Variants in RELN observed in about 807,000 individuals in gnomAD.
RELN encodes reelin.
In RELN, 108 loss-of-function variants were observed where a neutral mutation model predicts 427.6. The ratio of observed to expected loss-of-function variants is 0.25; its 90% CI spans 0.22 to 0.30. RELN has a LOEUF of 0.30. RELN is among the 10% of genes least tolerant of loss of function. The probability of loss-of-function intolerance (pLI) is 1.00; values close to 1 mark genes in which losing one functional copy is unlikely to be tolerated. For synonymous variants in RELN, 1,524 were observed against 1,513.4 expected, an observed-to-expected ratio of 1.01 and a Z score of -0.16; for missense variants, 3,715 against 4,302.8, an observed-to-expected ratio of 0.86 and a Z score of 3.82.
At chr7:103,599,881 A>G (rs1456261331) in intron 24 of RELN, among the ~76,000 whole-genome samples, 1 of 152,186 alleles carries the variant, frequency 6.6e-6, no homozygotes, top group Admixed American at 6.5e-5. Flanking sequence ...GAAAGAATGA[A>G]TTATGTATGT....
rs779501177 is a variant in RELN at position 103,773,126 on chromosome 7, TTCTTTCTTTCTTTC to T, written c.544+3417_544+3430del. On this transcript the variant is annotated intron_variant, in intron 4 of 64. Transcript: ENST00000428762. ...TTTCTTTCTTTCTTTCTTTCTTTCT[TTCTTTCTTTCTTTC>T]TTTCTTTCTTTCTTTCTTTCTTTCT... 1.5e-4 allele frequency among the ~76,000 whole-genome samples: 14 copies of T among 94,112 alleles called. No individual in the cohort carries two copies. In the Admixed American group the frequency reaches 1.6e-3, roughly 11 times the overall value. The allele number at this position is 94,112 out of a possible 152,430, so 61.7% of individuals were successfully genotyped here. A position where few individuals can be genotyped will look rare whatever the true frequency, so the allele number is the denominator to read the frequency against.
chr7:103,492,018 C>T lies in RELN; in HGVS notation c.9378G>A (p.Val3126=). ...PGYMMQFKIV[V]GCEATSCGDL... Reference sequence around the variant, plus strand: ...CACCACAAGAAGTGGCTTCACAACCCACCACAATCTAAAACAAACATAAAC... The same window carrying T: ...CACCACAAGAAGTGGCTTCACAACCTACCACAATCTAAAACAAACATAAAC... Residue 3126 remains valine, a synonymous_variant, in exon 58 of 65, where the codon GTG becomes GTA. Coordinates refer to ENST00000428762, the MANE Select transcript of RELN (RefSeq NM_005045.4). 1 of 1,612,316 alleles carries T rather than the reference C, an allele frequency of 6.2e-7. No individual in the cohort carries two copies. The highest frequency in any genetic ancestry group is 8.5e-7 in the Non-Finnish European group (1 of 1,178,976).
chr7:103,540,444 A>G lies in RELN; in HGVS notation c.6683T>C (p.Phe2228Ser). ...TTTACCACATCCCAGTCTCATGAAG[A>G]ACTGCACAAATCTGACATTTGTAAA... The part of the protein sequence containing the change: ...LDLSHARFVQ[F>S]FMRLGCGKGV... The change falls in exon 44 of 65, where the codon TTC (phenylalanine) becomes TCC (serine). Residue 2228 changes from phenylalanine (F) to serine (S), a missense_variant. Physicochemically the swap from Phe to Ser is radical, Grantham distance 155 (BLOSUM62 -2). Coordinates refer to ENST00000428762, the MANE Select transcript of RELN (RefSeq NM_005045.4). The G allele has an allele frequency of 1.9e-6, 3 of 1,613,936 alleles. No individual in the cohort carries two copies. The highest frequency in any genetic ancestry group is 2.5e-6 in the Non-Finnish European group (3 of 1,180,020).
intron 8 of RELN, among the ~76,000 whole-genome samples, chr7:103,718,350 AT>A (rs1562969986): frequency 6.8e-6 from 1 of 146,914 alleles, no homozygotes. Context: ...AAAAAAAAAA[AT>A]TAAACACACG....
At chr7:103,734,342 AAAGT>A (rs71725905) in intron 6 of RELN, among the ~76,000 whole-genome samples, 7,604 of 152,234 alleles carry the variant, frequency 0.05, 253 homozygotes, top group Non-Finnish European at 0.074. Context: ...CCTAATAGTA[AAAGT>A]AATACTAAAT....
chr7:103,559,091 C>T (rs1276943982), intron 36 of RELN, among the ~76,000 whole-genome samples: 1 of 152,128 alleles, frequency 6.6e-6, no homozygotes, highest in Non-Finnish European at 1.5e-5. Context: ...AAGCACCTAG[C>T]ACTACTGACA....
intron 2 of RELN, among the ~76,000 whole-genome samples, chr7:103,893,320 C>T (rs1253859358): frequency 1.3e-5 from 2 of 152,082 alleles, no homozygotes. Context: ...TGTCTGTCTC[C>T]AGCTCTTGAT....
intron 11 of RELN, among the ~76,000 whole-genome samples, chr7:103,680,780 A>G (rs1008688317): frequency 6.6e-6 from 1 of 152,032 alleles, no homozygotes; most frequent in Non-Finnish European, 1.5e-5. Context: ...TCAAGGAGAC[A>G]TTGGAGCTGT....
chr7:103,705,779 G>T (rs7799028), intron 8 of RELN, among the ~76,000 whole-genome samples: 58,157 of 151,952 alleles, frequency 0.38, 13,572 homozygotes, highest in African/African-American at 0.66. Context: ...AGTCACTTAC[G>T]CTTTCTGTGT....
intron 3 of RELN, among the ~76,000 whole-genome samples, chr7:103,826,338 GTGTGTGTGTGTGTGTGTGTGTA>G (rs1793139995): frequency 8.6e-6 from 1 of 116,324 alleles, no homozygotes; most frequent in East Asian, 2.7e-4. Context: ...GTGTGTGTGT[GTGTGTGTGTGTGTGTGTGTGTA>G]TACACATACA....
chr7:103,741,464 A>T (rs916636915), intron 6 of RELN, among the ~76,000 whole-genome samples: 1 of 152,052 alleles, frequency 6.6e-6, no homozygotes, highest in Non-Finnish European at 1.5e-5. Context: ...AAATTAGCTT[A>T]AGATTATTTT....
intron 63 of RELN, among the ~76,000 whole-genome samples, chr7:103,481,634 C>T: frequency 6.6e-6 from 1 of 152,146 alleles, no homozygotes; most frequent in Middle Eastern, 3.2e-3. Context: ...TTTTGACGTT[C>T]AAACAGATTG....
chr7:103,968,795 T>A lies in RELN; in HGVS notation c.226+20336A>T, dbSNP rs1435565541. Among the ~76,000 whole-genome samples the A allele has an allele frequency of 1.3e-5, 2 of 152,208 alleles. No homozygotes were observed. Among genetic ancestry groups the A allele is most frequent in the African/African-American group, 4.8e-5 (2 of 41,468 alleles). On this transcript the variant is annotated intron_variant, in intron 1 of 64. Transcript: ENST00000428762. The surrounding 1 kb of genome is among the most constrained non-coding windows in gnomAD (Gnocchi z 4.3). Reference sequence around the variant, plus strand: ...GATGTCAAATTTACCATTGACATTCTGCCTAACAACAACAAAAACAATTAC... The same window carrying A: ...GATGTCAAATTTACCATTGACATTCAGCCTAACAACAACAAAAACAATTAC...
chr7:103,971,902 C>T lies in RELN; in HGVS notation c.226+17229G>A, dbSNP rs141102715. On this transcript the variant is annotated intron_variant, in intron 1 of 64. Coordinates refer to ENST00000428762, the MANE Select transcript of RELN (RefSeq NM_005045.4). ...AGCCTGACAAACATGGTGAAACCCC[C>T]GTCTCTAGTAAAATACAAAAATTAG... Among the ~76,000 whole-genome samples the T allele has an allele frequency of 7.6e-3, 1,141 of 149,176 alleles. 14 individuals are homozygous for T. The highest frequency in any genetic ancestry group is 0.027 in the African/African-American group (1,089 of 41,060).
At chr7:103,859,912 T>C (rs1234692138) in intron 2 of RELN, among the ~76,000 whole-genome samples, 1 of 152,170 alleles carries the variant, frequency 6.6e-6, no homozygotes, top group Non-Finnish European at 1.5e-5. Context: ...GACACCAAGA[T>C]GACTTCATTA....
At chr7:103,854,567 A>G (rs1310459036) in intron 2 of RELN, among the ~76,000 whole-genome samples, 3 of 152,196 alleles carry the variant, frequency 2.0e-5, no homozygotes, top group Non-Finnish European at 4.4e-5. Flanking sequence ...AGGGATTAAG[A>G]GACTTAGTAT....
chr7:103,855,720 G>C (rs1279996522), intron 2 of RELN, among the ~76,000 whole-genome samples: 1 of 152,110 alleles, frequency 6.6e-6, no homozygotes, highest in Non-Finnish European at 1.5e-5. Flanking sequence ...AAGGTCCTGA[G>C]AGAGGATCTG....
chr7:103,845,477 G>A (rs1055648953), intron 2 of RELN, among the ~76,000 whole-genome samples: 5 of 152,140 alleles, frequency 3.3e-5, no homozygotes, highest in Non-Finnish European at 4.4e-5. Flanking sequence ...CAAGGCACCC[G>A]ACCCACTCTC....
At chr7:103,515,539 A>C (rs1269482878) in intron 49 of RELN, 98 bp from the exon 50 acceptor site, 51 of 1,469,240 alleles carry the variant, frequency 3.5e-5, no homozygotes, top group Non-Finnish European at 4.6e-5. Flanking sequence ...AATGTATGTC[A>C]CATGGTGGGT....
Sources: gnomAD v4.1 joint callset for allele counts (sites outside exome capture counted in the v4.1 genomes callset) on GRCh38, gnomAD v4.1.1 for gene constraint, Gnocchi (gnomAD v3.1) non-coding constraint, MANE v1.5 for transcripts, NCBI Gene and HGNC (gene_info 2026-07-23, HGNC 2026-07-21) for gene names.